ADCK5: variants seen among roughly 807,000 people sequenced by gnomAD.
The protein encoded by ADCK5 is uncharacterized aarF domain-containing protein kinase 5.
In ADCK5, 43 loss-of-function variants were observed where a neutral mutation model predicts 64.9. The ratio of observed to expected loss-of-function variants is 0.66; its 90% CI spans 0.52 to 0.85. The LOEUF is 0.85. Ranked by LOEUF, ADCK5 falls within the 40% of genes least tolerant of loss-of-function variation. ADCK5 has a pLI of 0.00. For missense variants in ADCK5, 760 were observed against 810.5 expected (o/e 0.94, Z 0.76); for synonymous variants, 434 against 342.8 (o/e 1.27, Z -2.94).
rs1820279724 is a variant in ADCK5, at chr8:144,392,187, G to A, written c.1175+17G>A. The A allele has an allele frequency of 1.3e-6, 2 of 1,551,628 alleles. No individual in the cohort carries two copies. Among genetic ancestry groups the A allele is most frequent in the African/African-American group, 1.4e-5 (1 of 73,294 alleles). On this transcript the variant is annotated intron_variant, in intron 11 of 14. Transcript: ENST00000308860. ...GGAGGAGAAGTGAGCGCGGGTGGGT[G>A]GGCGTGGGGCAGGGCAAGCCTCTCC...
intron 3 of ADCK5, among the ~76,000 whole-genome samples, chr8:144,386,204 G>T (rs543735813): frequency 1.6e-4 from 24 of 151,782 alleles, no homozygotes; most frequent in Admixed American, 3.3e-4. Context: ...TAGAGATGGG[G>T]TTTTGCCATG....
chr8:144,387,300 A>G (rs781980589), intron 3 of ADCK5, among the ~76,000 whole-genome samples: 47 of 152,222 alleles, frequency 3.1e-4, no homozygotes, highest in Non-Finnish European at 5.1e-4. Flanking sequence ...CCGGGGGCAC[A>G]TGATTTCGGT....
In ADCK5 at chr8:144,376,867, CTTGGGTT is replaced by C. The variant is rs1554857251; in HGVS notation, c.13-2517_13-2511del. Among the ~76,000 whole-genome samples, 1 of 152,236 alleles carries C rather than the reference CTTGGGTT, an allele frequency of 6.6e-6. No individual in the cohort carries two copies. Among genetic ancestry groups the C allele is most frequent in the Non-Finnish European group, 1.5e-5 (1 of 68,036 alleles). On this transcript the variant is annotated intron_variant, in intron 1 of 14. Coordinates refer to ENST00000308860, the MANE Select transcript of ADCK5 (RefSeq NM_174922.5). The surrounding 1 kb of genome is among the most constrained non-coding windows in gnomAD (Gnocchi z 5.1). ...CGCCTACGAGTCGCTGCCCGGCTGC[CTTGGGTT>C]TTCCTTGTGAATCAGCACTTGCTGC... is the stretch of plus-strand genomic sequence containing the variant.
At chr8:144,390,547 C>A in intron 3 of ADCK5, 124 bp from the exon 4 acceptor site, 1 of 1,052,134 alleles carries the variant, frequency 9.5e-7, no homozygotes. Flanking sequence ...CCTGGCTTGG[C>A]CTCACCCTTG....
chr8:144,383,575 C>T (rs1819775693), intron 3 of ADCK5, among the ~76,000 whole-genome samples: 1 of 152,212 alleles, frequency 6.6e-6, no homozygotes, highest in Non-Finnish European at 1.5e-5. Context: ...TCTAGGCTGG[C>T]AGAGAAGCAG....
At position 144,383,150 on chromosome 8, in the gene ADCK5, C is replaced by G; in HGVS notation, c.186C>G (p.Leu62=). 1.3e-6 allele frequency: 2 copies of G among 1,593,682 alleles called. No individual in the cohort carries two copies. Among genetic ancestry groups the G allele is most frequent in the Admixed American group, 3.5e-5 (2 of 56,518 alleles). The change falls in exon 3 of 15, where the codon CTC becomes CTG. Residue 62 remains leucine, a synonymous_variant. Coordinates refer to ENST00000308860, the MANE Select transcript of ADCK5 (RefSeq NM_174922.5). ...STAVVGAPLL[L]GARYVMAEAR... ...CGGTAGTGGGGGCGCCCCTGCTCCT[C>G]GGAGCCCGCTATGTCATGGCAGAGG...
chr8:144,374,058 C>A lies in ADCK5; in HGVS notation c.-38C>A. The A allele has an allele frequency of 8.0e-7, 1 of 1,245,356 alleles. No individual in the cohort carries two copies. The highest frequency in any genetic ancestry group is 4.1e-5 in the South Asian group (1 of 24,460). 77.1% of individuals were successfully genotyped at this position (1,245,356 alleles called of 1,614,324 possible). A position where few individuals can be genotyped will look rare whatever the true frequency, so the allele number is the denominator to read the frequency against. ...GCCTGCTGGGCTGCGAGACGCTAAG[C>A]GGCGCCGGGCGGGAGAAGAGCGGAG... On this transcript the variant is annotated 5_prime_UTR_variant, in exon 1 of 15. Coordinates refer to ENST00000308860, the MANE Select transcript of ADCK5 (RefSeq NM_174922.5).
chr8:144,389,291 AC>A (rs1175049298), intron 3 of ADCK5: 2 of 456,196 alleles, frequency 4.4e-6, no homozygotes, highest in African/African-American at 2.0e-5. Context: ...TTGGAGACCC[AC>A]CCTCCTGGTG....
rs1238664464 is a variant in ADCK5, at chr8:144,379,554, T to A, written c.116+64T>A. The A allele has an allele frequency of 2.2e-6, 3 of 1,360,426 alleles. No individual in the cohort carries two copies. The East Asian group carries it at 7.6e-5, about 35-fold the overall frequency. 84.3% of individuals were successfully genotyped at this position (1,360,426 alleles called of 1,614,324 possible). A position where few individuals can be genotyped will look rare whatever the true frequency, so the allele number is the denominator to read the frequency against. ...CAGGCATGGATGGCGTCTGTGTGCATGCAGAGGTGGCAGTCGAGGGCCCAA... is the reference window on the plus strand; with the variant it reads ...CAGGCATGGATGGCGTCTGTGTGCAAGCAGAGGTGGCAGTCGAGGGCCCAA... On this transcript the variant is annotated intron_variant, in intron 2 of 14. Coordinates refer to ENST00000308860, the MANE Select transcript of ADCK5 (RefSeq NM_174922.5).
Position 144,391,597 on chromosome 8 carries a change from G to A in ADCK5, c.816G>A (p.Leu272=), listed in dbSNP as rs201908526. 33 of 1,576,136 alleles carry A rather than the reference G, an allele frequency of 2.1e-5. No homozygotes were observed. Among genetic ancestry groups the A allele is most frequent in the Non-Finnish European group, 2.3e-5 (27 of 1,166,344 alleles). The change falls in exon 8 of 15, where the codon CTG becomes CTA. Residue 272 remains leucine, a synonymous_variant. Transcript: ENST00000308860. ...SWVLQDLKGT[L]AQELDFENEG... is the part of the protein sequence containing the mutation. ...GCCCCCAGGACCTGAAGGGGACCCTGGCCCAGGAGCTGGACTTCGAGAATG... is the reference window on the plus strand; with the variant it reads ...GCCCCCAGGACCTGAAGGGGACCCTAGCCCAGGAGCTGGACTTCGAGAATG...
In ADCK5 at chr8:144,392,540, AT is replaced by A; in HGVS notation, c.1364del (p.Met455ArgfsTer100). ...ACTGAGCCGCGAAGAGGCGGCCTACATGGTGGACATGGCCCGCGAGCGCTTC... is the reference window on the plus strand; with the variant it reads ...ACTGAGCCGCGAAGAGGCGGCCTACAGGTGGACATGGCCCGCGAGCGCTTC... ...HLLSREEAAY[M>X]VDMARERFEA... On this transcript the variant is annotated frameshift_variant, in exon 13 of 15. Coordinates refer to ENST00000308860, the MANE Select transcript of ADCK5 (RefSeq NM_174922.5). LOFTEE classifies it high-confidence loss of function. 6.4e-7 allele frequency: 1 copy of A among 1,562,290 alleles called. No individual in the cohort carries two copies. The highest frequency in any genetic ancestry group is 8.6e-7 in the Non-Finnish European group (1 of 1,160,136).
intron 3 of ADCK5, 58 bp from the exon 4 acceptor site, chr8:144,390,613 C>A (rs1820170790): frequency 1.3e-6 from 2 of 1,547,660 alleles, no homozygotes. Flanking sequence ...GACAAGAGGA[C>A]CAAGCACCGG....
Position 144,390,836 on chromosome 8 carries a change from C to G in ADCK5, c.343-20C>G, listed in dbSNP as rs1554860256. On this transcript the variant is annotated intron_variant, in intron 4 of 14. Transcript: ENST00000308860. ...AGGCAGCCACCTGTCCCCATGTGTT[C>G]TCCCCATGCCTGTGGTCAGAACAGC... 1 of 1,609,622 alleles carries G rather than the reference C, an allele frequency of 6.2e-7. No individual in the cohort carries two copies. The highest frequency in any genetic ancestry group is 2.2e-5 in the East Asian group (1 of 44,788).
At chr8:144,389,618 G>A (rs927855815) in intron 3 of ADCK5, among the ~76,000 whole-genome samples, 3 of 151,634 alleles carry the variant, frequency 2.0e-5, no homozygotes, top group Non-Finnish European at 4.4e-5. Flanking sequence ...ACCGAAACCC[G>A]CCTCCTGACT....
chr8:144,375,664 C>A, intron 1 of ADCK5: 2 of 985,370 alleles, frequency 2.0e-6, no homozygotes, highest in Non-Finnish European at 2.4e-6. Flanking sequence ...AGAATACTTG[C>A]CGCTTTCAAG....
intron 2 of ADCK5, among the ~76,000 whole-genome samples, chr8:144,380,405 G>A (rs1486206447): frequency 8.8e-4 from 132 of 149,982 alleles, no homozygotes; most frequent in Non-Finnish European, 1.5e-3. Flanking sequence ...GCCGGGTGTA[G>A]AAACAGATGT....
chr8:144,383,076 C>T lies in ADCK5; in HGVS notation c.117-5C>T, dbSNP rs1554858611. Reference sequence around the variant, plus strand: ...GCGCCTCCAGGCTGCATTGTCTCTCCTCAGGTTCTCCAGCCCCACACCCCT... The same window carrying T: ...GCGCCTCCAGGCTGCATTGTCTCTCTTCAGGTTCTCCAGCCCCACACCCCT... On this transcript the variant is annotated splice_polypyrimidine_tract_variant and splice_region_variant and intron_variant, in intron 2 of 14. Transcript: ENST00000308860. The T allele has an allele frequency of 1.3e-6, 2 of 1,586,476 alleles. No homozygotes were observed. The highest frequency in any genetic ancestry group is 1.7e-6 in the Non-Finnish European group (2 of 1,166,528).
At chr8:144,385,186 CT>C (rs75146415) in intron 3 of ADCK5, among the ~76,000 whole-genome samples, 222 of 138,108 alleles carry the variant, frequency 1.6e-3, no homozygotes, top group Middle Eastern at 7.6e-3. Context: ...CTTACATTTT[CT>C]TTTTTTTTTT....
At chr8:144,388,705 C>CA (rs1820055026) in intron 3 of ADCK5, among the ~76,000 whole-genome samples, 1 of 150,456 alleles carries the variant, frequency 6.6e-6, no homozygotes, top group Non-Finnish European at 1.5e-5. Context: ...GCGGAGCCTG[C>CA]AGTGAGCCAA....
Sources: allele counts gnomAD v4.1 joint callset (sites outside exome capture counted in the v4.1 genomes callset), GRCh38; gene constraint gnomAD v4.1.1; non-coding constraint Gnocchi (gnomAD v3.1); transcripts MANE v1.5; gene names NCBI Gene and HGNC (gene_info 2026-07-23, HGNC 2026-07-21).